The following DLC1 variants were observed in gnomAD, a reference collection of about 807,000 sequenced individuals.
DLC1 encodes DLC1 Rho GTPase activating protein, also known as rho GTPase-activating protein 7.
In DLC1, 54 loss-of-function variants were observed where a neutral mutation model predicts 140.3. That is an observed-to-expected ratio of 0.38 (90% CI 0.31 to 0.48). The LOEUF (loss-of-function observed/expected upper bound fraction) is 0.48. DLC1 is among the 20% of genes least tolerant of loss of function. DLC1 has a pLI of 0.96. For missense variants in DLC1, 2,536 were observed against 1,907.0 expected, an observed-to-expected ratio of 1.33 and a Z score of -6.14; for synonymous variants, 986 against 728.1, an observed-to-expected ratio of 1.35 and a Z score of -5.70.
chr8:13,558,698 T>C (rs754617403), intron 1 of DLC1: 1 of 152,206 alleles, frequency 6.6e-6, no homozygotes, highest in Non-Finnish European at 1.5e-5. Flanking sequence ...ATGGGTCACA[T>C]TGAATATTTC....
intron 5 of DLC1, among the ~76,000 whole-genome samples, chr8:13,236,289 C>G (rs1254636521): frequency 6.6e-6 from 1 of 151,990 alleles, no homozygotes. Flanking sequence ...ACTTTAACGA[C>G]TATATTTATC....
At chr8:13,282,517 T>C (rs182784519) in intron 5 of DLC1, among the ~76,000 whole-genome samples, 1 of 152,318 alleles carries the variant, frequency 6.6e-6, no homozygotes, top group Non-Finnish European at 1.5e-5. Context: ...CTATAACTTA[T>C]ATTACCTTAG....
chr8:13,290,242 A>G (rs1586078182), intron 5 of DLC1, among the ~76,000 whole-genome samples: 1 of 152,208 alleles, frequency 6.6e-6, no homozygotes, highest in East Asian at 1.9e-4. Flanking sequence ...TAGAGGAAGA[A>G]TAATAGATGT....
chr8:13,304,205 C>T (rs1356645539), intron 5 of DLC1, among the ~76,000 whole-genome samples: 1 of 151,938 alleles, frequency 6.6e-6, no homozygotes, highest in Non-Finnish European at 1.5e-5. Flanking sequence ...TGGCCAAAAC[C>T]ACAATTACTT....
chr8:13,602,688 T>C (rs1458403980), intron 1 of DLC1, among the ~76,000 whole-genome samples: 1 of 151,894 alleles, frequency 6.6e-6, no homozygotes, highest in Non-Finnish European at 1.5e-5. Context: ...TTATGTATCT[T>C]AAAAAGTTAT....
chr8:13,127,518 C>T (rs1311616601), intron 5 of DLC1, among the ~76,000 whole-genome samples: 1 of 152,216 alleles, frequency 6.6e-6, no homozygotes, highest in African/African-American at 2.4e-5. Context: ...GAGATTGGAT[C>T]CCTTATGAGT....
In DLC1 at chr8:13,083,393, C is replaced by G. The variant is rs1274971799; in HGVS notation, c.*2418G>C. On this transcript the variant is annotated 3_prime_UTR_variant, in exon 18 of 18. Coordinates refer to ENST00000276297, the MANE Select transcript of DLC1 (RefSeq NM_182643.3). ...TAGCAAATAATAAATTTATTAGGTG[C>G]CTACAAGTACAAAATACTGAAAGCC... The G allele has an allele frequency of 6.6e-6, 1 of 151,838 alleles. No individual in the cohort carries two copies. The highest frequency in any genetic ancestry group is 2.4e-5 in the African/African-American group (1 of 41,284). The allele number at this position is 151,838 out of a possible 1,614,324, so 9.4% of individuals were successfully genotyped here.
At chr8:13,313,814 GT>G (rs563368022) in intron 4 of DLC1, among the ~76,000 whole-genome samples, 1 of 151,946 alleles carries the variant, frequency 6.6e-6, no homozygotes, top group East Asian at 1.9e-4. Flanking sequence ...TTTTCCCTAA[GT>G]TTTATAAAGC....
At chr8:13,360,120 C>G (rs1835154330) in intron 4 of DLC1, among the ~76,000 whole-genome samples, 1 of 152,144 alleles carries the variant, frequency 6.6e-6, no homozygotes, top group African/African-American at 2.4e-5. Context: ...GCTGAGTTTC[C>G]TTGAGACATT....
intron 5 of DLC1, among the ~76,000 whole-genome samples, chr8:13,120,356 A>AAAAAAAAAAAAAAATATATAT: frequency 2.0e-4 from 12 of 61,128 alleles, no homozygotes; most frequent in African/African-American, 4.6e-4. Context: ...AAAAAAAAAA[A>AAAAAAAAAAAAAAATATATAT]ATATATATAT....
intron 5 of DLC1, among the ~76,000 whole-genome samples, chr8:13,285,831 CT>C (rs968345425): frequency 2.0e-4 from 31 of 152,150 alleles, no homozygotes; most frequent in Admixed American, 1.0e-3. Flanking sequence ...GTACAAACGC[CT>C]TTTTCCACTT....
chr8:13,246,523 T>C (rs926345403), intron 5 of DLC1, among the ~76,000 whole-genome samples: 4 of 152,112 alleles, frequency 2.6e-5, no homozygotes, highest in Non-Finnish European at 4.4e-5. Context: ...TGTGTGTGTG[T>C]ATGTGTGATC....
intron 1 of DLC1, among the ~76,000 whole-genome samples, chr8:13,555,168 A>G (rs1363905556): frequency 6.6e-6 from 1 of 152,184 alleles, no homozygotes; most frequent in Non-Finnish European, 1.5e-5. Context: ...TTGACCACTG[A>G]ATTTAAAATG....
At chr8:13,396,264 T>C (rs1025539493) in intron 3 of DLC1, among the ~76,000 whole-genome samples, 1 of 152,040 alleles carries the variant, frequency 6.6e-6, no homozygotes, top group African/African-American at 2.4e-5. Context: ...TTTCATCGTA[T>C]TAGCCAGGAT....
chr8:13,489,823 C>G (rs1253991036), intron 2 of DLC1, among the ~76,000 whole-genome samples: 1 of 152,186 alleles, frequency 6.6e-6, no homozygotes, highest in African/African-American at 2.4e-5. Flanking sequence ...AATATAGATT[C>G]TACTAGAATT....
chr8:13,209,106 C>T (rs1827812387), intron 5 of DLC1, among the ~76,000 whole-genome samples: 1 of 152,150 alleles, frequency 6.6e-6, no homozygotes. Flanking sequence ...ACAAATACTT[C>T]CTTGATAAAA....
At chr8:13,163,586 G>A (rs1212897054) in intron 5 of DLC1, among the ~76,000 whole-genome samples, 1 of 152,072 alleles carries the variant, frequency 6.6e-6, no homozygotes, top group African/African-American at 2.4e-5. Context: ...ACATTGTGGT[G>A]GCTAAAACAG....
chr8:13,507,206 C>T (rs1331896911), intron 1 of DLC1, among the ~76,000 whole-genome samples: 2 of 152,180 alleles, frequency 1.3e-5, no homozygotes, highest in Non-Finnish European at 2.9e-5. Context: ...ATTTGGGCGC[C>T]TTCCCACTGG....
chr8:13,297,282 T>TAAAAAAAAAAAAAAAA (rs60048506), intron 5 of DLC1, among the ~76,000 whole-genome samples: 743 of 9,590 alleles, frequency 0.077, 255 homozygotes, highest in South Asian at 0.095. Context: ...CTTCATACAT[T>TAAAAAAAAAAAAAAAA]AAAAAAAAAA....
Sources: allele counts gnomAD v4.1 joint callset (sites outside exome capture counted in the v4.1 genomes callset), GRCh38; gene constraint gnomAD v4.1.1; transcripts MANE v1.5; gene names NCBI Gene and HGNC (gene_info 2026-07-23, HGNC 2026-07-21).